FHIP1B: variants seen among roughly 807,000 people sequenced by gnomAD.
FHIP1B encodes the protein FHF complex subunit HOOK-interacting protein 1B.
A neutral mutation model predicts 82.2 loss-of-function variants in FHIP1B; 28 were observed. The ratio of observed to expected loss-of-function variants is 0.34; its 90% CI spans 0.25 to 0.47. The LOEUF is 0.47. Among genes scored for constraint, FHIP1B ranks in the 20% least tolerant of loss-of-function variants. The pLI is 1.00. For synonymous variants in FHIP1B, 585 were observed against 516.1 expected, an observed-to-expected ratio of 1.13 and a Z score of -1.81; for missense variants, 1,110 against 1,262.6, an observed-to-expected ratio of 0.88 and a Z score of 1.83.
chr11:6,211,780 A>C lies in FHIP1B; in HGVS notation c.2645T>G (p.Leu882Arg). The part of the protein sequence containing the change: ...TRARQAAQLV[L>R]QPGRDGAGLG... The stretch of plus-strand genomic sequence containing the variant: ...TCCTGCTCCGTCTCGCCCAGGCTGA[A>C]GGACCAATTGTGCCGCCTGCCGGGC... The change falls in exon 12 of 12, where the codon CTT becomes CGT. Residue 882 changes from leucine to arginine, a missense_variant. By Grantham distance (102) the Leu-to-Arg change is moderately radical. Around this residue, in one of 6 missense-constraint regions of FHIP1B, gnomAD observed 147 missense variants for 154.0 expected, o/e 0.95. Coordinates refer to ENST00000449352, the MANE Select transcript of FHIP1B (RefSeq NM_001098794.2). 1 of 1,614,078 alleles carries C rather than the reference A, an allele frequency of 6.2e-7. No individual in the cohort carries two copies. Among genetic ancestry groups the C allele is most frequent in the Non-Finnish European group, 8.5e-7 (1 of 1,179,968 alleles).
intron 1 of FHIP1B, among the ~76,000 whole-genome samples, chr11:6,232,991 A>C (rs984575870): frequency 2.6e-5 from 4 of 152,172 alleles, no homozygotes; most frequent in African/African-American, 9.7e-5. Flanking sequence ...CTCTCCCTCC[A>C]TCTTGGATAG....
At chr11:6,232,447 C>A (rs957410951) in intron 1 of FHIP1B, among the ~76,000 whole-genome samples, 1 of 152,206 alleles carries the variant, frequency 6.6e-6, no homozygotes, top group Non-Finnish European at 1.5e-5. Flanking sequence ...AGAACAATTA[C>A]AAATCATTAA....
chr11:6,212,014 T>C, intron 11 of FHIP1B, 147 bp from the exon 12 acceptor site: 1 of 1,385,870 alleles, frequency 7.2e-7, no homozygotes, highest in Non-Finnish European at 9.4e-7. Flanking sequence ...GGACCAGAAA[T>C]GAACCTCAGG....
chr11:6,224,568 C>T lies in FHIP1B; in HGVS notation c.-52G>A, dbSNP rs764790494. On this transcript the variant is annotated 5_prime_UTR_variant, in exon 2 of 12. Transcript: ENST00000449352. ...CAGAGGCCTACACTCTGAGGATTTG[C>T]CAGCTGGAGGTTTTCTCCACTTGTG... is the stretch of plus-strand genomic sequence containing the variant. 6.5e-7 allele frequency: 1 copy of T among 1,539,262 alleles called. No individual in the cohort carries two copies. The highest frequency in any genetic ancestry group is 2.3e-5 in the East Asian group (1 of 44,404).
In FHIP1B at chr11:6,224,340, T is replaced by C. The variant is rs1476058460; in HGVS notation, c.138+39A>G. On this transcript the variant is annotated intron_variant, in intron 2 of 11. Transcript: ENST00000449352. ...ATATAGAAGGCTGGGAGAACTCAGG[T>C]GATCAGCAGACAAGGCCCTTTGCCA... is the stretch of plus-strand genomic sequence containing the variant. 2.5e-6 allele frequency: 4 copies of C among 1,614,086 alleles called. No homozygotes were observed. In the South Asian group the frequency reaches 3.3e-5, roughly 13 times the overall value.
Position 6,219,052 on chromosome 11 carries a change from T to G in FHIP1B, c.1192-2A>C, listed in dbSNP as rs771844879. 1 of 1,600,592 alleles carries G rather than the reference T, an allele frequency of 6.2e-7. No homozygotes were observed. The highest frequency in any genetic ancestry group is 8.6e-7 in the Non-Finnish European group (1 of 1,169,304). ...GAGACTCAGAGAGACCATGCAGAGC[T>G]GGGGGGGTGGAGGGGAGGGAGGGAG... On this transcript the variant is annotated splice_acceptor_variant, in intron 6 of 11. Coordinates refer to ENST00000449352, the MANE Select transcript of FHIP1B (RefSeq NM_001098794.2). LOFTEE classifies it high-confidence loss of function.
chr11:6,232,218 A>G (rs79765556), intron 1 of FHIP1B, among the ~76,000 whole-genome samples: 289 of 152,350 alleles, frequency 1.9e-3, no homozygotes, highest in Admixed American at 3.5e-3. Context: ...CAATAAGCTT[A>G]CCAAATCCAG....
chr11:6,214,088 A>G (rs1564857325), intron 11 of FHIP1B, among the ~76,000 whole-genome samples: 1 of 150,294 alleles, frequency 6.7e-6, no homozygotes, highest in Non-Finnish European at 1.5e-5. Flanking sequence ...TTGCCTACCT[A>G]AGTCCTACCC....
At position 6,217,771 on chromosome 11, in the gene FHIP1B, G is replaced by A. The variant is rs139700511; in HGVS notation, c.1815C>T (p.Asn605=). ...GCTCTTCCTCCTCCCCTTCCCCCAC[G>A]TTGTTCCTGTCCTCCTCAGGCAGTA... is the stretch of plus-strand genomic sequence containing the variant. The part of the protein sequence containing the change: ...RSLLPEEDRN[N]VGEGEEEELG... Residue 605 remains asparagine (N), a synonymous_variant, in exon 9 of 12, where the codon AAC becomes AAT. Coordinates refer to ENST00000449352, the MANE Select transcript of FHIP1B (RefSeq NM_001098794.2). 163 of 1,341,094 alleles carry A rather than the reference G, an allele frequency of 1.2e-4. 3 individuals carry two copies. The highest frequency in any genetic ancestry group is 8.6e-4 in the South Asian group (73 of 85,070). 83.1% of individuals were successfully genotyped at this position (1,341,094 alleles called of 1,614,324 possible).
At position 6,217,722 on chromosome 11, in the gene FHIP1B, C is replaced by T; in HGVS notation, c.1864G>A (p.Gly622Ser). 6.2e-7 allele frequency: 1 copy of T among 1,605,736 alleles called. No homozygotes were observed. The highest frequency in any genetic ancestry group is 8.5e-7 in the Non-Finnish European group (1 of 1,175,780). Residue 622 changes from glycine (G) to serine (S), a missense_variant, in exon 9 of 12, where the codon GGT becomes AGT. Gly to Ser is a moderately conservative substitution (Grantham distance 56). Around this residue, in one of 6 missense-constraint regions of FHIP1B, gnomAD observed 418 missense variants for 371.4 expected, o/e 1.13. Coordinates refer to ENST00000449352, the MANE Select transcript of FHIP1B (RefSeq NM_001098794.2). ...AGGTGACCAGGGCCCTCCCCTGCAC[C>T]CCCAGCCCGCCCCCTCCTCCCCAGC... The part of the protein sequence containing the change: ...EELGRRGRAG[G>S]AGEGPGHLPP...
In FHIP1B at chr11:6,224,087, A is replaced by C. The variant is rs747931441; in HGVS notation, c.300T>G (p.Ala100=). Residue 100 remains alanine, a synonymous_variant, in exon 3 of 12, where the codon GCT becomes GCG. Transcript: ENST00000449352. ...PTGPGPLLEF[A]LHEDLLTRVL... ...CACGGGTCAGCAGATCCTCGTGCAG[A>C]GCAAACTCCAGCAGGGGCCCAGGGC... 4.3e-6 allele frequency: 7 copies of C among 1,613,848 alleles called. No individual in the cohort carries two copies. The South Asian group carries it at 7.7e-5, about 18-fold the overall frequency.
intron 6 of FHIP1B, 146 bp from the exon 7 acceptor site, chr11:6,219,196 C>A: frequency 1.6e-6 from 1 of 624,942 alleles, no homozygotes; most frequent in East Asian, 2.8e-5. Flanking sequence ...CCATGCCTGG[C>A]ACATAAGTCA....
intron 9 of FHIP1B, chr11:6,217,067 T>C (rs1269101640): frequency 8.5e-6 from 6 of 702,114 alleles, no homozygotes. Context: ...ACACAGAATA[T>C]CCTAATTACA....
In FHIP1B at chr11:6,217,672, C is replaced by T. The variant is rs1448946512; in HGVS notation, c.1914G>A (p.Val638=). The change falls in exon 9 of 12, where the codon GTG becomes GTA. Residue 638 remains valine, a synonymous_variant. Transcript: ENST00000449352. ...TGGCCCCCTCAGGCCATGATCCTGGCACTCCATTGAGCTGGGGAGGGGGCA... is the reference window on the plus strand; with the variant it reads ...TGGCCCCCTCAGGCCATGATCCTGGTACTCCATTGAGCTGGGGAGGGGGCA... ...GHLPPPQLNG[V]PGSWPEGAKK... 1.2e-6 allele frequency: 2 copies of T among 1,613,940 alleles called. No homozygotes were observed. Among genetic ancestry groups the T allele is most frequent in the Admixed American group, 3.3e-5 (2 of 60,010 alleles).
intron 1 of FHIP1B, among the ~76,000 whole-genome samples, chr11:6,228,123 A>G (rs1424087055): frequency 2.0e-5 from 3 of 152,132 alleles, no homozygotes; most frequent in African/African-American, 7.2e-5. Context: ...CAAGGCAGGT[A>G]GATCACTTGA....
rs199874793 is a variant in FHIP1B at position 6,233,327 on chromosome 11, CA to C, written c.-192+1216del. Among the ~76,000 whole-genome samples the C allele has an allele frequency of 4.8e-3, 735 of 152,300 alleles. 11 individuals are homozygous for C. Among genetic ancestry groups the C allele is most frequent in the African/African-American group, 0.017 (691 of 41,546 alleles). ...ATGTCCCAACCCCATGGCTGACTAG[CA>C]GTAGAGAGGAAAATTTAGTAGTGTG... On this transcript the variant is annotated intron_variant, in intron 1 of 11. Transcript: ENST00000449352.
At chr11:6,231,299 G>T (rs1234215926) in intron 1 of FHIP1B, among the ~76,000 whole-genome samples, 1 of 151,994 alleles carries the variant, frequency 6.6e-6, no homozygotes, top group Non-Finnish European at 1.5e-5. Context: ...TGAGATAGGG[G>T]ATATGAGGGC....
intron 1 of FHIP1B, among the ~76,000 whole-genome samples, chr11:6,226,650 A>G (rs1045841305): frequency 6.6e-6 from 1 of 152,254 alleles, no homozygotes; most frequent in Non-Finnish European, 1.5e-5. Flanking sequence ...TTCAAAGAAC[A>G]GTTGCAAATT....
chr11:6,227,437 G>C (rs752143939), intron 1 of FHIP1B, among the ~76,000 whole-genome samples: 2 of 152,214 alleles, frequency 1.3e-5, no homozygotes, highest in African/African-American at 2.4e-5. Context: ...TGGGGGATGA[G>C]AGAAGACTCT....
Sources: gnomAD v4.1 joint callset for allele counts (sites outside exome capture counted in the v4.1 genomes callset) on GRCh38, gnomAD v4.1.1 for gene constraint, gnomAD v4.1.1 regional missense constraint, MANE v1.5 for transcripts, NCBI Gene and HGNC (gene_info 2026-07-23, HGNC 2026-07-21) for gene names.